Variants in PDGFD observed in about 807,000 individuals in gnomAD.
The protein encoded by PDGFD is platelet-derived growth factor D.
PDGFD carries 30 observed loss-of-function variants against 44.7 expected under a neutral mutation model. The ratio of observed to expected loss-of-function variants is 0.67; its 90% CI spans 0.50 to 0.91. The LOEUF (loss-of-function observed/expected upper bound fraction) is 0.91. Among genes scored for constraint, PDGFD ranks in the 40% least tolerant of loss-of-function variants. The pLI is 0.00. For missense variants in PDGFD, 445 were observed against 457.8 expected, an observed-to-expected ratio of 0.97 and a Z score of 0.25; for synonymous variants, 173 against 168.4, an observed-to-expected ratio of 1.03 and a Z score of -0.21.
At position 104,164,065 on chromosome 11, in the gene PDGFD, C is replaced by A; in HGVS notation, c.-138G>T. 1 of 970,754 alleles carries A rather than the reference C, an allele frequency of 1.0e-6. No homozygotes were observed. Among genetic ancestry groups the A allele is most frequent in the Non-Finnish European group, 1.4e-6 (1 of 699,896 alleles). The allele number at this position is 970,754 out of a possible 1,614,324, so 60.1% of individuals were successfully genotyped here. On this transcript the variant is annotated 5_prime_UTR_variant, in exon 1 of 7. Coordinates refer to ENST00000393158, the MANE Select transcript of PDGFD (RefSeq NM_025208.5). ...CCGGGTCGCTGTGCTAATCGCCGAG[C>A]TCTCCCCAAACTTCCTGCATGCTGA... is the stretch of plus-strand genomic sequence containing the variant.
chr11:104,092,275 T>C (rs748941603), intron 1 of PDGFD, among the ~76,000 whole-genome samples: 31 of 152,190 alleles, frequency 2.0e-4, no homozygotes, highest in Non-Finnish European at 2.8e-4. Context: ...TGATTACTGC[T>C]TACCAGGGAA....
intron 1 of PDGFD, among the ~76,000 whole-genome samples, chr11:104,097,338 T>C (rs554813282): frequency 7.9e-5 from 12 of 152,300 alleles, no homozygotes; most frequent in African/African-American, 2.6e-4. Context: ...AGAAACATGA[T>C]TTGTCACATA....
intron 6 of PDGFD, among the ~76,000 whole-genome samples, chr11:103,913,339 T>G (rs1858061592): frequency 6.6e-6 from 1 of 152,204 alleles, no homozygotes; most frequent in Admixed American, 6.5e-5. Context: ...AACTCAGAAT[T>G]AAGAAACTCA....
intron 1 of PDGFD, among the ~76,000 whole-genome samples, chr11:104,138,394 C>T (rs752454466): frequency 6.6e-6 from 1 of 152,180 alleles, no homozygotes; most frequent in African/African-American, 2.4e-5. Flanking sequence ...CAGCAACCTC[C>T]CTGGTTAGAT....
chr11:104,130,381 A>C (rs1017756283), intron 1 of PDGFD, among the ~76,000 whole-genome samples: 1 of 152,142 alleles, frequency 6.6e-6, no homozygotes, highest in Admixed American at 6.5e-5. Context: ...TGTGCCTCAA[A>C]GTGAATGAAC....
intron 1 of PDGFD, among the ~76,000 whole-genome samples, chr11:104,136,585 T>A (rs76401950): frequency 0.072 from 11,018 of 152,260 alleles, 530 homozygotes; most frequent in East Asian, 0.24. Flanking sequence ...TCTGCTTGAT[T>A]TTTCTAACTA....
intron 1 of PDGFD, among the ~76,000 whole-genome samples, chr11:104,086,741 C>T (rs1383645843): frequency 6.6e-6 from 1 of 152,134 alleles, no homozygotes; most frequent in South Asian, 2.1e-4. Context: ...GAGCATAATA[C>T]ATAAACAAAA....
chr11:104,016,748 G>A lies in PDGFD; in HGVS notation c.125-16493C>T, dbSNP rs375369083. On this transcript the variant is annotated intron_variant, in intron 1 of 6. Transcript: ENST00000393158. ...ACACGGAAAGGGCACCATGGCCACTGTTCGAATGAAAACATTAATACTACA... is the reference window on the plus strand; with the variant it reads ...ACACGGAAAGGGCACCATGGCCACTATTCGAATGAAAACATTAATACTACA... Among the ~76,000 whole-genome samples the A allele has an allele frequency of 1.8e-4, 27 of 152,338 alleles. No individual in the cohort carries two copies. In the South Asian group the frequency reaches 5.6e-3, roughly 32 times the overall value.
chr11:104,036,999 T>A, intron 1 of PDGFD: 1 of 1,614,200 alleles, frequency 6.2e-7, no homozygotes. Flanking sequence ...AGGACCACTG[T>A]TCCCTGGGCT....
intron 2 of PDGFD, among the ~76,000 whole-genome samples, chr11:103,997,989 T>A (rs1275040244): frequency 6.6e-6 from 1 of 152,120 alleles, no homozygotes; most frequent in African/African-American, 2.4e-5. Context: ...AAGGAAACCA[T>A]CCTCACTGTT....
intron 1 of PDGFD, among the ~76,000 whole-genome samples, chr11:104,144,504 C>A (rs1194829862): frequency 9.2e-5 from 4 of 43,604 alleles, no homozygotes; most frequent in Admixed American, 2.5e-4. Context: ...AAAACTCCGT[C>A]ACCAAAAAAA....
rs747198178 is a variant in PDGFD, at chr11:104,163,968, G to A, written c.-41C>T. 8 of 1,493,908 alleles carry A rather than the reference G, an allele frequency of 5.4e-6. No individual in the cohort carries two copies. Among genetic ancestry groups the A allele is most frequent in the Non-Finnish European group, 7.2e-6 (8 of 1,106,416 alleles). The allele number at this position is 1,493,908 out of a possible 1,614,324, so 92.5% of individuals were successfully genotyped here. ...AGAGACAGCGTCGCTCCAAGAAAAA[G>A]CCGGGTTCTGCTCCCGGGACCGACG... On this transcript the variant is annotated 5_prime_UTR_variant, in exon 1 of 7. Coordinates refer to ENST00000393158, the MANE Select transcript of PDGFD (RefSeq NM_025208.5).
chr11:104,061,594 T>G (rs1480166667), intron 1 of PDGFD, among the ~76,000 whole-genome samples: 2 of 152,088 alleles, frequency 1.3e-5, no homozygotes, highest in African/African-American at 4.8e-5. Flanking sequence ...AATTCAGTGT[T>G]TTTCTTTCTG....
At chr11:103,976,306 AG>A (rs1472051260) in intron 3 of PDGFD, among the ~76,000 whole-genome samples, 1 of 151,984 alleles carries the variant, frequency 6.6e-6, no homozygotes, top group Non-Finnish European at 1.5e-5. Context: ...TGTGAATGGG[AG>A]TTCACTCATG....
intron 1 of PDGFD, among the ~76,000 whole-genome samples, chr11:104,094,086 C>A (rs749604688): frequency 6.7e-6 from 1 of 149,736 alleles, no homozygotes; most frequent in Non-Finnish European, 1.5e-5. Context: ...CTTAAACAAT[C>A]TTTGTGTTGT....
intron 3 of PDGFD, among the ~76,000 whole-genome samples, chr11:103,965,920 C>T (rs1159381688): frequency 1.3e-5 from 2 of 152,182 alleles, no homozygotes; most frequent in African/African-American, 4.8e-5. Flanking sequence ...TGGCACATGT[C>T]CCTGGTCTAG....
chr11:103,963,221 T>A (rs893054139), intron 3 of PDGFD, among the ~76,000 whole-genome samples: 1 of 152,170 alleles, frequency 6.6e-6, no homozygotes, highest in Non-Finnish European at 1.5e-5. Context: ...AAACTTACAA[T>A]GGCCTAATGT....
intron 1 of PDGFD, among the ~76,000 whole-genome samples, chr11:104,137,728 CTTTTT>C (rs5794295): frequency 1.3e-5 from 1 of 76,618 alleles, no homozygotes; most frequent in East Asian, 4.8e-4. Flanking sequence ...TAGATCACCA[CTTTTT>C]TTTTTTTTTT....
At chr11:104,099,053 A>G (rs1861329387) in intron 1 of PDGFD, among the ~76,000 whole-genome samples, 1 of 152,180 alleles carries the variant, frequency 6.6e-6, no homozygotes, top group Non-Finnish European at 1.5e-5. Flanking sequence ...CTGCTTTCTC[A>G]GAGCCAGTTC....
Sources: gnomAD v4.1 joint callset for allele counts (sites outside exome capture counted in the v4.1 genomes callset) on GRCh38, gnomAD v4.1.1 for gene constraint, MANE v1.5 for transcripts, NCBI Gene and HGNC (gene_info 2026-07-23, HGNC 2026-07-21) for gene names.